MYT1: variants seen among roughly 807,000 people sequenced by gnomAD.
MYT1 encodes the protein myelin transcription factor I.
Under a neutral mutation model 123.0 loss-of-function variants are expected in MYT1, and 23 were observed. The ratio of observed to expected loss-of-function variants is 0.19; its 90% confidence interval spans 0.13 to 0.26. The LOEUF is 0.26. Among genes scored for constraint, MYT1 ranks in the 10% least tolerant of loss-of-function variants. The pLI is 1.00. For synonymous variants in MYT1, 518 were observed against 575.3 expected (o/e 0.90, Z 1.43); for missense variants, 1,125 against 1,472.5 (o/e 0.76, Z 3.86).
chr20:64,211,994 G>A (rs1363073611), intron 8 of MYT1, 54 bp from the exon 9 acceptor site: 11 of 1,474,306 alleles, frequency 7.5e-6, no homozygotes, highest in African/African-American at 5.5e-5. Context: ...CACAGCTGGC[G>A]CTCCCCAGAT....
chr20:64,216,989 C>A (rs769155333), intron 10 of MYT1, 78 bp from the exon 11 acceptor site: 1 of 1,385,250 alleles, frequency 7.2e-7, no homozygotes. Flanking sequence ...GCCTGGGCTG[C>A]AGATTGGGGT....
intron 4 of MYT1, among the ~76,000 whole-genome samples, chr20:64,200,981 A>G (rs1312233485): frequency 6.6e-6 from 1 of 152,162 alleles, no homozygotes; most frequent in East Asian, 1.9e-4. Flanking sequence ...CCTGCTGAAG[A>G]AGCGGTGATT....
At chr20:64,223,011 T>C (rs1415845488) in intron 14 of MYT1, 100 bp from the exon 15 acceptor site, 9 of 1,367,436 alleles carry the variant, frequency 6.6e-6, no homozygotes, top group Non-Finnish European at 9.4e-6. Flanking sequence ...GGCTCGCGGG[T>C]GAGCCAGGAG....
rs1164930633 is a variant in MYT1 at position 64,213,464 on chromosome 20, C to A, written c.1518-70C>A. On this transcript the variant is annotated intron_variant, in intron 9 of 22. Transcript: ENST00000328439. The surrounding 1 kb of genome is among the most constrained non-coding windows in gnomAD (Gnocchi z 5.6). ...ATGACCTTGCCGTGAGACACCCACA[C>A]ACACAGACACCCAGGACAGGACAGG... 1.7e-5 allele frequency: 21 copies of A among 1,262,166 alleles called. No individual in the cohort carries two copies. The highest frequency in any genetic ancestry group is 2.3e-5 in the Non-Finnish European group (20 of 871,030). 78.2% of individuals were successfully genotyped at this position (1,262,166 alleles called of 1,614,324 possible).
At chr20:64,204,470 C>T (rs1983420592) in intron 4 of MYT1, among the ~76,000 whole-genome samples, 1 of 152,200 alleles carries the variant, frequency 6.6e-6, no homozygotes, top group African/African-American at 2.4e-5. Flanking sequence ...GAAGCTGGGA[C>T]CCACACCAGC....
chr20:64,217,588 G>A (rs1983877939), intron 11 of MYT1, among the ~76,000 whole-genome samples: 1 of 152,248 alleles, frequency 6.6e-6, no homozygotes, highest in Non-Finnish European at 1.5e-5. Flanking sequence ...AGACTTCAGA[G>A]CAACCCCACC....
intron 1 of MYT1, among the ~76,000 whole-genome samples, chr20:64,177,133 T>C (rs1982481740): frequency 6.6e-6 from 1 of 152,240 alleles, no homozygotes. Flanking sequence ...TATTATTTTC[T>C]CAGCAGTGAG....
At position 64,207,768 on chromosome 20, in the gene MYT1, G is replaced by C. The variant is rs1177245972; in HGVS notation, c.572G>C (p.Gly191Ala). ...EEDLGQAAKP[G>A]PGIVHLLQEA... ...GACTTGGGCCAGGCGGCCAAGCCAGGTCCTGGCATTGTGCACCTGCTTCAG... is the reference window on the plus strand; with the variant it reads ...GACTTGGGCCAGGCGGCCAAGCCAGCTCCTGGCATTGTGCACCTGCTTCAG... The change falls in exon 7 of 23, where the codon GGT becomes GCT. Residue 191 changes from glycine (G) to alanine (A), a missense_variant. Gly to Ala is a moderately conservative substitution (Grantham distance 60). Around this residue, in one of 4 missense-constraint regions of MYT1, gnomAD observed 406 missense variants for 432.2 expected, o/e 0.94. Transcript: ENST00000328439. The C allele has an allele frequency of 6.2e-7, 1 of 1,613,976 alleles. No individual in the cohort carries two copies. Among genetic ancestry groups the C allele is most frequent in the South Asian group, 1.1e-5 (1 of 91,060 alleles).
chr20:64,180,227 A>G (rs1982612068), intron 1 of MYT1, among the ~76,000 whole-genome samples: 1 of 152,186 alleles, frequency 6.6e-6, no homozygotes, highest in Admixed American at 6.5e-5. Context: ...TTACAGACAC[A>G]CGCCACACAC....
Position 64,166,923 on chromosome 20 carries a change from G to A in MYT1, c.-99+2184G>A, listed in dbSNP as rs1032018276. ...CAGCTGACCAACGGCAGCCTGGATG[G>A]TGGCTGGAGCTTGGCCTGTCCCTGC... On this transcript the variant is annotated intron_variant, in intron 1 of 22. Coordinates refer to ENST00000328439, the MANE Select transcript of MYT1 (RefSeq NM_004535.3). This position sits in a 1 kb window ranked among gnomAD's most constrained non-coding sequence, Gnocchi z 4.9. 6.6e-6 allele frequency among the ~76,000 whole-genome samples: 1 copy of A among 152,198 alleles called. No individual in the cohort carries two copies. The highest frequency in any genetic ancestry group is 2.4e-5 in the African/African-American group (1 of 41,442).
chr20:64,191,279 G>A lies in MYT1; in HGVS notation c.-1+1119G>A, dbSNP rs552182662. 9.2e-5 allele frequency among the ~76,000 whole-genome samples: 14 copies of A among 152,184 alleles called. No individual in the cohort carries two copies. Among genetic ancestry groups the A allele is most frequent in the Admixed American group, 2.0e-4 (3 of 15,300 alleles). ...AAGATCTCCCTTCGGGGACACTCCC[G>A]AACTGTGACATCACATGTGCTTACA... On this transcript the variant is annotated intron_variant, in intron 2 of 22. Coordinates refer to ENST00000328439, the MANE Select transcript of MYT1 (RefSeq NM_004535.3). The surrounding 1 kb of genome is among the most constrained non-coding windows in gnomAD (Gnocchi z 4.1).
intron 1 of MYT1, among the ~76,000 whole-genome samples, chr20:64,165,055 A>C (rs1569302389): frequency 6.6e-6 from 1 of 151,912 alleles, no homozygotes; most frequent in Non-Finnish European, 1.5e-5. Flanking sequence ...CAAAACCAGA[A>C]ACTTTATGCG....
intron 12 of MYT1, 132 bp downstream of exon 12, chr20:64,219,167 T>A: frequency 1.6e-6 from 2 of 1,244,400 alleles, no homozygotes; most frequent in Non-Finnish European, 2.2e-6. Context: ...CATTCTTAAC[T>A]TTTTCTCCCT....
At chr20:64,234,306 TC>T (rs1260462393) in intron 19 of MYT1, among the ~76,000 whole-genome samples, 1 of 145,808 alleles carries the variant, frequency 6.9e-6, no homozygotes, top group African/African-American at 2.7e-5. Flanking sequence ...GATGGGCTCC[TC>T]TGGGAGGTCA....
At chr20:64,226,894 G>A (rs1006188446) in intron 16 of MYT1, among the ~76,000 whole-genome samples, 1 of 152,242 alleles carries the variant, frequency 6.6e-6, no homozygotes, top group Non-Finnish European at 1.5e-5. Flanking sequence ...GTGCAAAAAG[G>A]CCTCTGTTCA....
rs1426995297 is a variant in MYT1, at chr20:64,190,639, TGCCA to T, written c.-1+480_-1+483del. ...TCAAGGCTGCAGTGAGCTGAGATTG[TGCCA>T]CTGCACTCCAGCCTGGGTGCAGATC... On this transcript the variant is annotated intron_variant, in intron 2 of 22. Coordinates refer to ENST00000328439, the MANE Select transcript of MYT1 (RefSeq NM_004535.3). The surrounding 1 kb of genome is among the most constrained non-coding windows in gnomAD (Gnocchi z 4.1). Among the ~76,000 whole-genome samples, 34 of 151,194 alleles carry T rather than the reference TGCCA, an allele frequency of 2.2e-4. No individual in the cohort carries two copies. Among genetic ancestry groups the T allele is most frequent in the African/African-American group, 8.3e-4 (34 of 40,972 alleles).
Position 64,179,051 on chromosome 20 carries a change from C to T in MYT1, c.-98-11012C>T, listed in dbSNP as rs867542485. On this transcript the variant is annotated intron_variant, in intron 1 of 22. Coordinates refer to ENST00000328439, the MANE Select transcript of MYT1 (RefSeq NM_004535.3). ...ACCCTTCAAGGTGGGAGCACTGAGC[C>T]GTTATTCAGTGGGATACCCTTCAAC... is the stretch of plus-strand genomic sequence containing the variant. Among the ~76,000 whole-genome samples, 631 of 127,874 alleles carry T rather than the reference C, an allele frequency of 4.9e-3. 1 individual carries two copies. The highest frequency in any genetic ancestry group is 0.019 in the African/African-American group (597 of 30,896). 83.9% of individuals were successfully genotyped at this position (127,874 alleles called of 152,430 possible). A position where few individuals can be genotyped will look rare whatever the true frequency, so the allele number is the denominator to read the frequency against.
intron 1 of MYT1, among the ~76,000 whole-genome samples, chr20:64,187,818 A>G (rs558995670): frequency 6.6e-6 from 1 of 152,330 alleles, no homozygotes; most frequent in East Asian, 1.9e-4. Flanking sequence ...GCCCTTGTAA[A>G]GGAGGGTCTA....
chr20:64,192,366 CCTGA>C lies in MYT1; in HGVS notation c.-1+2209_-1+2212del, dbSNP rs1193630574. On this transcript the variant is annotated intron_variant, in intron 2 of 22. Transcript: ENST00000328439. This position sits in a 1 kb window ranked among gnomAD's most constrained non-coding sequence, Gnocchi z 5.3. ...GGGGCAGCAGGTGCAAGTAGAATCT[CCTGA>C]CTAAGAGGCTGAGGAGGGTGGCAGC... is the stretch of plus-strand genomic sequence containing the variant. 2.0e-5 allele frequency among the ~76,000 whole-genome samples: 3 copies of C among 152,172 alleles called. No individual in the cohort carries two copies. Among genetic ancestry groups the C allele is most frequent in the Non-Finnish European group, 2.9e-5 (2 of 68,036 alleles).
Sources: gnomAD v4.1 joint callset for allele counts (sites outside exome capture counted in the v4.1 genomes callset) on GRCh38, gnomAD v4.1.1 for gene constraint, gnomAD v4.1.1 regional missense constraint, Gnocchi (gnomAD v3.1) non-coding constraint, MANE v1.5 for transcripts, NCBI Gene and HGNC (gene_info 2026-07-23, HGNC 2026-07-21) for gene names.